Variants in MTTP observed in about 807,000 individuals in gnomAD.
The protein encoded by MTTP is microsomal triglyceride transfer protein large subunit.
Under a neutral mutation model 90.6 loss-of-function variants are expected in MTTP, and 49 were observed. That is an observed-to-expected ratio of 0.54 (90% CI 0.43 to 0.69). MTTP has a LOEUF of 0.69. Ranked by LOEUF, MTTP falls within the 30% of genes least tolerant of loss-of-function variation. The pLI is 0.00. For synonymous variants in MTTP, 347 were observed against 384.2 expected (o/e 0.90, Z 1.13); for missense variants, 945 against 1,067.5 (o/e 0.89, Z 1.60).
intron 4 of MTTP, among the ~76,000 whole-genome samples, chr4:99,590,052 C>T (rs1435599006): frequency 6.6e-6 from 1 of 152,114 alleles, no homozygotes; most frequent in East Asian, 1.9e-4. Flanking sequence ...TATAGATTCC[C>T]TATATTCATC....
chr4:99,608,607 C>T (rs554210416), intron 11 of MTTP, among the ~76,000 whole-genome samples, 159 bp from the exon 12 acceptor site: 1 of 152,194 alleles, frequency 6.6e-6, no homozygotes, highest in Non-Finnish European at 1.5e-5. Context: ...GGCGTATTAG[C>T]CAGAACTAGT....
intron 11 of MTTP, 114 bp from the exon 12 acceptor site, chr4:99,608,652 G>A: frequency 2.3e-6 from 2 of 859,878 alleles, no homozygotes; most frequent in South Asian, 2.8e-5. Context: ...AGGAATCTGG[G>A]AAATGTAGTA....
chr4:99,581,890 A>AT lies in MTTP; in HGVS notation c.62-13dup. ...TTACAATGAAAACTGGATATGTGTC[A>AT]TTATCTTTATGCAGGTCACACAACT... On this transcript the variant is annotated splice_polypyrimidine_tract_variant and intron_variant, in intron 1 of 17. Coordinates refer to ENST00000265517, the MANE Select transcript of MTTP (RefSeq NM_001386140.1). The AT allele has an allele frequency of 6.2e-7, 1 of 1,613,814 alleles. No individual in the cohort carries two copies. The highest frequency in any genetic ancestry group is 2.2e-5 in the East Asian group (1 of 44,882).
At chr4:99,622,019 G>C (rs1255431168) in intron 17 of MTTP, among the ~76,000 whole-genome samples, 1 of 152,026 alleles carries the variant, frequency 6.6e-6, no homozygotes, top group Non-Finnish European at 1.5e-5. Context: ...TTATTTTACT[G>C]ACATTTCATG....
At chr4:99,585,843 A>G (rs1032502942) in intron 3 of MTTP, among the ~76,000 whole-genome samples, 1 of 152,140 alleles carries the variant, frequency 6.6e-6, no homozygotes, top group Non-Finnish European at 1.5e-5. Flanking sequence ...TTTCAAGTAT[A>G]TAATAAAATA....
chr4:99,591,054 G>A (rs1032688684), intron 4 of MTTP, among the ~76,000 whole-genome samples, 181 bp from the exon 5 acceptor site: 2 of 152,160 alleles, frequency 1.3e-5, no homozygotes. Context: ...CAACCAAAGA[G>A]AATGGGAGGG....
chr4:99,608,646 A>C, intron 11 of MTTP, 120 bp from the exon 12 acceptor site: 1 of 821,968 alleles, frequency 1.2e-6, no homozygotes, highest in Non-Finnish European at 2.1e-6. Flanking sequence ...TCACAAAGGA[A>C]TCTGGGAAAT....
At chr4:99,579,713 A>C (rs1317403048) in intron 1 of MTTP, among the ~76,000 whole-genome samples, 1 of 152,110 alleles carries the variant, frequency 6.6e-6, no homozygotes, top group Non-Finnish European at 1.5e-5. Context: ...TAGAAAATTT[A>C]CAAAGGGTAT....
chr4:99,575,864 G>T (rs935220418), intron 1 of MTTP, among the ~76,000 whole-genome samples: 1 of 152,130 alleles, frequency 6.6e-6, no homozygotes, highest in African/African-American at 2.4e-5. Flanking sequence ...TTAAAACCAT[G>T]TACTCTAAGT....
chr4:99,621,655 C>T (rs78693470), intron 17 of MTTP, among the ~76,000 whole-genome samples: 4 of 152,118 alleles, frequency 2.6e-5, no homozygotes, highest in South Asian at 2.1e-4. Context: ...AAAATGAATT[C>T]GCAATTTTTA....
At position 99,622,550 on chromosome 4, in the gene MTTP, G is replaced by A. The variant is rs969975025; in HGVS notation, c.2514-127G>A. 8 of 962,530 alleles carry A rather than the reference G, an allele frequency of 8.3e-6. No individual in the cohort carries two copies. In the African/African-American group the frequency reaches 1.3e-4, roughly 16 times the overall value. 59.6% of individuals were successfully genotyped at this position (962,530 alleles called of 1,614,324 possible). A position where few individuals can be genotyped will look rare whatever the true frequency, so the allele number is the denominator to read the frequency against. The stretch of plus-strand genomic sequence containing the variant: ...ATCACCCATTCATGGAGTAGCCTTT[G>A]ACACTCATATCCTTTCTCAGATTGC... On this transcript the variant is annotated intron_variant, in intron 17 of 17. Transcript: ENST00000265517.
chr4:99,594,611 A>C, intron 6 of MTTP, 122 bp from the exon 7 acceptor site: 1 of 1,129,352 alleles, frequency 8.9e-7, no homozygotes, highest in Non-Finnish European at 1.3e-6. Context: ...TCACAGTTTG[A>C]AAGACATGGC....
At chr4:99,602,293 C>T (rs1359404516) in intron 10 of MTTP, among the ~76,000 whole-genome samples, 5 of 152,062 alleles carry the variant, frequency 3.3e-5, no homozygotes, top group Admixed American at 2.0e-4. Flanking sequence ...TCAATTTTCA[C>T]GTCTTTCTTA....
chr4:99,574,061 AG>A (rs1464049123), upstream of MTTP, among the ~76,000 whole-genome samples: 3 of 152,208 alleles, frequency 2.0e-5, no homozygotes, highest in African/African-American at 7.2e-5. Context: ...CTGTAGCAAA[AG>A]AACTAAGATC....
intron 3 of MTTP, among the ~76,000 whole-genome samples, chr4:99,589,378 T>C (rs1725356949): frequency 6.6e-6 from 1 of 152,012 alleles, no homozygotes; most frequent in South Asian, 2.1e-4. Flanking sequence ...TTCATGAGGC[T>C]CCCAGCCTAT....
chr4:99,591,183 T>A, intron 4 of MTTP, 52 bp from the exon 5 acceptor site: 1 of 1,348,200 alleles, frequency 7.4e-7, no homozygotes, highest in Admixed American at 1.7e-5. Context: ...TCACTAGAAT[T>A]CAAATGGCCC....
chr4:99,581,304 T>C (rs935168216), intron 1 of MTTP, among the ~76,000 whole-genome samples: 1 of 152,340 alleles, frequency 6.6e-6, no homozygotes, highest in South Asian at 2.1e-4. Context: ...AGATTTCATA[T>C]AGTAAAACAT....
chr4:99,590,893 T>A (rs1725400737), intron 4 of MTTP, among the ~76,000 whole-genome samples: 1 of 151,648 alleles, frequency 6.6e-6, no homozygotes. Flanking sequence ...AGATACAGCA[T>A]TAACAATCAA....
At chr4:99,573,414 A>T (rs540441699), upstream of MTTP, among the ~76,000 whole-genome samples, 24 of 152,258 alleles carry the variant, frequency 1.6e-4, no homozygotes, top group South Asian at 2.1e-3. Flanking sequence ...TAACAAAGCT[A>T]CTTTTCTGTT....
Sources: gnomAD v4.1 joint callset for allele counts (sites outside exome capture counted in the v4.1 genomes callset) on GRCh38, gnomAD v4.1.1 for gene constraint, MANE v1.5 for transcripts, NCBI Gene and HGNC (gene_info 2026-07-23, HGNC 2026-07-21) for gene names.